Variants in CLECL1 observed in about 807,000 individuals in gnomAD.
The protein encoded by CLECL1 is C-type lectin-like domain family 1.
At chr12:9,730,671 G>A (rs919975010) in intron 1 of CLECL1, among the ~76,000 whole-genome samples, 2 of 151,934 alleles carry the variant, frequency 1.3e-5, no homozygotes, top group East Asian at 1.9e-4. Flanking sequence ...GTCACTACAC[G>A]TTTCTTTTTC....
chr12:9,728,021 T>C (rs1263131480), intron 2 of CLECL1, among the ~76,000 whole-genome samples: 1 of 151,870 alleles, frequency 6.6e-6, no homozygotes, highest in African/African-American at 2.4e-5. Context: ...TGAGTTCCTA[T>C]TAATTATATC....
downstream of CLECL1, among the ~76,000 whole-genome samples, chr12:9,719,187 C>T (rs765980089): frequency 6.6e-6 from 1 of 152,286 alleles, no homozygotes; most frequent in Non-Finnish European, 1.5e-5. Flanking sequence ...GTAATAGCAA[C>T]TGTTCATGAG....
downstream of CLECL1, among the ~76,000 whole-genome samples, chr12:9,720,785 A>G (rs79794001): frequency 0.015 from 2,286 of 152,174 alleles, 69 homozygotes; most frequent in African/African-American, 0.052. Flanking sequence ...GGATTTTCTA[A>G]TTTCTGCAGA....
chr12:9,713,838 T>G (rs1866215310), downstream of CLECL1, among the ~76,000 whole-genome samples: 1 of 152,216 alleles, frequency 6.6e-6, no homozygotes, highest in South Asian at 2.1e-4. Flanking sequence ...GAGTTTTAAA[T>G]CTTCTTATTG....
chr12:9,731,303 C>A (rs1452212181), intron 1 of CLECL1, among the ~76,000 whole-genome samples: 2 of 152,154 alleles, frequency 1.3e-5, no homozygotes, highest in African/African-American at 4.8e-5. Context: ...TTTTACTTAT[C>A]AAGCATCTAT....
downstream of CLECL1, among the ~76,000 whole-genome samples, chr12:9,719,670 A>G (rs141409811): frequency 1.4e-3 from 215 of 152,330 alleles, 1 homozygote; most frequent in African/African-American, 5.0e-3. Context: ...CAGGAGTTCA[A>G]GTGGGCTATA....
intron 3 of CLECL1, among the ~76,000 whole-genome samples, chr12:9,725,543 G>T (rs1029767638): frequency 5.8e-5 from 6 of 103,530 alleles, no homozygotes; most frequent in African/African-American, 2.6e-4. Flanking sequence ...TGATATCATA[G>T]AATATAAAAA....
At chr12:9,725,512 A>C (rs778649279) in intron 3 of CLECL1, among the ~76,000 whole-genome samples, 2 of 151,472 alleles carry the variant, frequency 1.3e-5, no homozygotes, top group Non-Finnish European at 2.9e-5. Flanking sequence ...GATACCTGGA[A>C]GCAGTGTTTC....
chr12:9,729,027 G>A (rs191184551), intron 2 of CLECL1, among the ~76,000 whole-genome samples: 1 of 152,086 alleles, frequency 6.6e-6, no homozygotes, highest in East Asian at 1.9e-4. Context: ...CTGTTCTACA[G>A]ATATTTGTAA....
the CLECL1 span, among the ~76,000 whole-genome samples, chr12:9,703,473 C>T: frequency 6.6e-6 from 1 of 152,026 alleles, no homozygotes; most frequent in African/African-American, 2.4e-5. Context: ...TAGCTCACTG[C>T]AGCCTCAGCT....
At chr12:9,704,007 A>C in the CLECL1 span, 2 of 152,174 alleles carry the variant, frequency 1.3e-5, no homozygotes, top group African/African-American at 4.8e-5. Flanking sequence ...TATAAGTTAC[A>C]TTAAAGCTTA....
At chr12:9,726,237 G>T (rs1591718666) in intron 3 of CLECL1, among the ~76,000 whole-genome samples, 1 of 119,206 alleles carries the variant, frequency 8.4e-6, no homozygotes, top group African/African-American at 3.3e-5. Flanking sequence ...TGTTTAAATG[G>T]TTTTAAGAAA....
chr12:9,705,828 G>A, the CLECL1 span, among the ~76,000 whole-genome samples: 1 of 152,154 alleles, frequency 6.6e-6, no homozygotes, highest in African/African-American at 2.4e-5. Context: ...AAATTGGGTA[G>A]TGTGATGCCT....
downstream of CLECL1, among the ~76,000 whole-genome samples, chr12:9,719,039 A>G (rs1386772156): frequency 1.3e-5 from 2 of 152,134 alleles, no homozygotes; most frequent in South Asian, 2.1e-4. Context: ...GTACATCTTC[A>G]TCTTGTGTAG....
At chr12:9,725,646 A>G (rs10844615) in intron 3 of CLECL1, among the ~76,000 whole-genome samples, 2 of 151,894 alleles carry the variant, frequency 1.3e-5, no homozygotes, top group African/African-American at 4.8e-5. Flanking sequence ...CAGGAACTTC[A>G]ATGCATAAAA....
chr12:9,721,222 T>C (rs1246304155), downstream of CLECL1, among the ~76,000 whole-genome samples: 7 of 152,098 alleles, frequency 4.6e-5, no homozygotes, highest in Non-Finnish European at 1.0e-4. Context: ...ATAATCCTTT[T>C]TTTTTTCCAT....
the CLECL1 span, among the ~76,000 whole-genome samples, chr12:9,707,551 G>T: frequency 6.6e-6 from 1 of 152,168 alleles, no homozygotes; most frequent in African/African-American, 2.4e-5. Flanking sequence ...CTGCCATGAG[G>T]TTGGAGCTCC....
At chr12:9,703,448 G>T in the CLECL1 span, among the ~76,000 whole-genome samples, 1 of 152,010 alleles carries the variant, frequency 6.6e-6, no homozygotes, top group Non-Finnish European at 1.5e-5. Context: ...AGGCTGGAGT[G>T]CAGTGGCATG....
At chr12:9,720,242 G>A (rs1030583989), downstream of CLECL1, among the ~76,000 whole-genome samples, 4 of 151,902 alleles carry the variant, frequency 2.6e-5, no homozygotes, top group Non-Finnish European at 5.9e-5. Context: ...AGAGATGTTT[G>A]TTGCCCTTCT....
Sources: allele counts gnomAD v4.1 joint callset (sites outside exome capture counted in the v4.1 genomes callset), GRCh38; gene constraint gnomAD v4.1.1; transcripts MANE v1.5; gene names NCBI Gene and HGNC (gene_info 2026-07-23, HGNC 2026-07-21).